The following PCDHA3 variants were observed in gnomAD, a reference collection of about 807,000 sequenced individuals.
PCDHA3 encodes the protein protocadherin alpha-3.
A neutral mutation model predicts 62.2 loss-of-function variants in PCDHA3; 41 were observed. That is an observed-to-expected ratio of 0.66 (90% CI 0.51 to 0.86). PCDHA3 has a LOEUF of 0.86. PCDHA3 is among the 40% of genes least tolerant of loss of function. The pLI is 0.00. For synonymous variants in PCDHA3, 640 were observed against 555.4 expected (o/e 1.15, Z -2.14); for missense variants, 1,304 against 1,241.2 (o/e 1.05, Z -0.76).
chr5:140,965,794 C>T (rs1554227851), intron 1 of PCDHA3, among the ~76,000 whole-genome samples: 1 of 152,170 alleles, frequency 6.6e-6, no homozygotes, highest in Non-Finnish European at 1.5e-5. Flanking sequence ...TTCATGGAGA[C>T]TATTTTTTTA....
At chr5:140,982,748 G>C (rs2097001127) in intron 3 of PCDHA3, among the ~76,000 whole-genome samples, 185 bp downstream of exon 3, 1 of 151,896 alleles carries the variant, frequency 6.6e-6, no homozygotes, top group African/African-American at 2.4e-5. Flanking sequence ...TGCTCTTCAG[G>C]AGTTGAAAAA....
rs371830340 is a variant in PCDHA3 at position 140,947,864 on chromosome 5, C to G, written c.2395-31085C>G. Reference sequence around the variant, plus strand: ...TTTATTTATTTTGTCATTATAATGGCTAGGACTTCCAGGACAATATAAACA... The same window carrying G: ...TTTATTTATTTTGTCATTATAATGGGTAGGACTTCCAGGACAATATAAACA... On this transcript the variant is annotated intron_variant, in intron 1 of 3. Coordinates refer to ENST00000522353, the MANE Select transcript of PCDHA3 (RefSeq NM_018906.3). Among the ~76,000 whole-genome samples the G allele has an allele frequency of 1.4e-4, 21 of 151,554 alleles. No homozygotes were observed. The East Asian group carries it at 2.3e-3, about 17-fold the overall frequency.
chr5:140,856,635 G>A (rs1341590061), intron 1 of PCDHA3: 5 of 1,597,884 alleles, frequency 3.1e-6, no homozygotes, highest in South Asian at 1.1e-5. Context: ...CTTGTTCTGC[G>A]GAAGCTGCTG....
At chr5:140,993,462 T>TCACA (rs3836747) in intron 3 of PCDHA3, among the ~76,000 whole-genome samples, 8,584 of 140,952 alleles carry the variant, frequency 0.061, 300 homozygotes, top group Admixed American at 0.12. Flanking sequence ...TCTTTCTTTC[T>TCACA]CACACACACA....
intron 1 of PCDHA3, chr5:140,854,737 A>T (rs2043210768): frequency 6.7e-6 from 1 of 149,840 alleles, no homozygotes. Flanking sequence ...TTTTTTCAGC[A>T]GCACAGATAT....
intron 1 of PCDHA3, chr5:140,834,259 ACT>A: frequency 1.0e-6 from 1 of 957,536 alleles, no homozygotes; most frequent in Non-Finnish European, 1.6e-6. Context: ...AAGACGCTCC[ACT>A]CTCTTTCACT....
chr5:140,809,010 C>T lies in PCDHA3; in HGVS notation c.2394+5419C>T, dbSNP rs267600386. On this transcript the variant is annotated intron_variant, in intron 1 of 3. Transcript: ENST00000522353. ...GACTCGGGCTACAACGCGTGGCTTT[C>T]GTACGAGCTGCAGCCGGGGACTGGT... 2.5e-6 allele frequency: 4 copies of T among 1,613,664 alleles called. No homozygotes were observed. In the South Asian group the frequency reaches 3.3e-5, roughly 13 times the overall value.
At chr5:140,951,723 A>C (rs1364455679) in intron 1 of PCDHA3, among the ~76,000 whole-genome samples, 1 of 152,104 alleles carries the variant, frequency 6.6e-6, no homozygotes, top group African/African-American at 2.4e-5. Context: ...GATCCAAACC[A>C]TGTCATTCTG....
chr5:140,989,139 C>G (rs1308771993), intron 3 of PCDHA3, among the ~76,000 whole-genome samples: 1 of 152,136 alleles, frequency 6.6e-6, no homozygotes, highest in African/African-American at 2.4e-5. Context: ...ACACTTTATC[C>G]CTTCTTTTGT....
At chr5:140,849,964 T>A in intron 1 of PCDHA3, 1 of 1,597,810 alleles carries the variant, frequency 6.3e-7, no homozygotes. Flanking sequence ...AACGCCCTGG[T>A]GTCCTACTCG....
At chr5:140,977,671 A>G (rs2096770792) in intron 1 of PCDHA3, among the ~76,000 whole-genome samples, 1 of 152,178 alleles carries the variant, frequency 6.6e-6, no homozygotes, top group South Asian at 2.1e-4. Flanking sequence ...CTGCATGCCA[A>G]ATATCATGTA....
chr5:140,836,482 T>C, intron 1 of PCDHA3: 2 of 1,613,884 alleles, frequency 1.2e-6, no homozygotes, highest in Middle Eastern at 1.7e-4. Flanking sequence ...AACGTGTACC[T>C]GATCATCGCC....
Position 141,010,168 on chromosome 5 carries a change from C to T in PCDHA3, c.*231C>T. The T allele has an allele frequency of 6.4e-7, 1 of 1,561,094 alleles. No individual in the cohort carries two copies. On this transcript the variant is annotated 3_prime_UTR_variant, in exon 4 of 4. Coordinates refer to ENST00000522353, the MANE Select transcript of PCDHA3 (RefSeq NM_018906.3). Reference sequence around the variant, plus strand: ...TCTCCACTCTGGCTTGTTTTCAGAACCTAAAAAGCAGACCCAAGTTTCCTT... The same window carrying T: ...TCTCCACTCTGGCTTGTTTTCAGAATCTAAAAAGCAGACCCAAGTTTCCTT...
chr5:140,946,807 A>G (rs1333101378), intron 1 of PCDHA3, among the ~76,000 whole-genome samples: 3 of 151,418 alleles, frequency 2.0e-5, no homozygotes, highest in Non-Finnish European at 4.4e-5. Context: ...CAGAGAGTAT[A>G]ACAGTGATTA....
chr5:140,829,774 C>T (rs1293917446), intron 1 of PCDHA3: 18 of 1,613,672 alleles, frequency 1.1e-5, no homozygotes, highest in East Asian at 2.2e-5. Context: ...AGAACGACAA[C>T]GCGCCGGCGC....
At chr5:140,862,674 C>G (rs782474067) in intron 1 of PCDHA3, 12 of 549,972 alleles carry the variant, frequency 2.2e-5, no homozygotes, top group African/African-American at 3.8e-5. Flanking sequence ...CGCAGGAGAA[C>G]GTGCTGGTGT....
intron 1 of PCDHA3, chr5:140,857,079 A>C: frequency 6.3e-7 from 1 of 1,597,252 alleles, no homozygotes; most frequent in African/African-American, 1.3e-5. Flanking sequence ...GATGAAAATG[A>C]TAATTCACCT....
At chr5:140,828,286 G>T (rs1479873419) in intron 1 of PCDHA3, 1 of 1,614,136 alleles carries the variant, frequency 6.2e-7, no homozygotes, top group Admixed American at 1.7e-5. Context: ...GCCTGTTCAG[G>T]ATGGCCTCCA....
intron 1 of PCDHA3, chr5:140,967,158 T>G (rs1586192830): frequency 6.2e-7 from 1 of 1,610,448 alleles, no homozygotes. Context: ...CCCGTGGCGG[T>G]GAGCGCCGTT....
Sources: allele counts gnomAD v4.1 joint callset (sites outside exome capture counted in the v4.1 genomes callset), GRCh38; gene constraint gnomAD v4.1.1; transcripts MANE v1.5; gene names NCBI Gene and HGNC (gene_info 2026-07-23, HGNC 2026-07-21).